Variants in GP2 observed in about 807,000 individuals in gnomAD.
GP2 encodes the protein pancreatic secretory granule membrane major glycoprotein GP2.
A neutral mutation model predicts 60.8 loss-of-function variants in GP2; 58 were observed. The ratio of observed to expected loss-of-function variants is 0.95; its 90% CI spans 0.77 to 1.19. The LOEUF is 1.19. GP2 is among the 50% of genes most tolerant of loss of function. GP2 has a pLI of 0.00. For missense variants in GP2, 647 were observed against 667.4 expected, an observed-to-expected ratio of 0.97 and a Z score of 0.34; for synonymous variants, 280 against 253.4, an observed-to-expected ratio of 1.10 and a Z score of -1.00.
In GP2 at chr16:20,319,855, A is replaced by G. The variant is rs1015995770; in HGVS notation, c.859-87T>C. 7.1e-6 allele frequency: 8 copies of G among 1,122,540 alleles called. No homozygotes were observed. The East Asian group carries it at 9.4e-5, about 13-fold the overall frequency. The allele number at this position is 1,122,540 out of a possible 1,614,324, so 69.5% of individuals were successfully genotyped here. On this transcript the variant is annotated intron_variant, in intron 5 of 10. Transcript: ENST00000302555. Reference sequence around the variant, plus strand: ...AATCCAGATCTGATTTCCAGAGTCAATTTGCTTAACCATGCAGCCACCCTA... The same window carrying G: ...AATCCAGATCTGATTTCCAGAGTCAGTTTGCTTAACCATGCAGCCACCCTA...
At chr16:20,327,287 T>G (rs1964561140) in intron 1 of GP2, 180 bp downstream of exon 1, 1 of 357,204 alleles carries the variant, frequency 2.8e-6, no homozygotes, top group Admixed American at 3.8e-5. Flanking sequence ...GCATCGCAGA[T>G]GACTGGAAGC....
At chr16:20,318,525 C>T (rs910272831) in intron 6 of GP2, 95 bp from the exon 7 acceptor site, 12 of 1,112,610 alleles carry the variant, frequency 1.1e-5, no homozygotes, top group Admixed American at 1.0e-4. Context: ...CAAGGACACA[C>T]ATCTTGGATC....
In GP2 at chr16:20,316,050, T is replaced by C; in HGVS notation, c.1417-10A>G. ...GACTTCTTGAGCAAGACTGTAGGGATGATGAACTTTTATTATATCAAAATT... is the reference window on the plus strand; with the variant it reads ...GACTTCTTGAGCAAGACTGTAGGGACGATGAACTTTTATTATATCAAAATT... On this transcript the variant is annotated splice_polypyrimidine_tract_variant and intron_variant, in intron 8 of 10. Transcript: ENST00000302555. 6.4e-7 allele frequency: 1 copy of C among 1,573,302 alleles called. No individual in the cohort carries two copies. Among genetic ancestry groups the C allele is most frequent in the Non-Finnish European group, 8.8e-7 (1 of 1,142,812 alleles).
intron 8 of GP2, among the ~76,000 whole-genome samples, chr16:20,316,301 C>T (rs908048792): frequency 1.3e-5 from 2 of 152,198 alleles, no homozygotes; most frequent in Non-Finnish European, 2.9e-5. Flanking sequence ...TCTACAATAA[C>T]TAAATAATAC....
Position 20,317,387 on chromosome 16 carries a change from A to G in GP2, c.1254-12T>C, listed in dbSNP as rs752635146. On this transcript the variant is annotated splice_polypyrimidine_tract_variant and intron_variant, in intron 7 of 10. Coordinates refer to ENST00000302555, the MANE Select transcript of GP2 (RefSeq NM_001502.4). ...GTTGATTTGAGCAGCTGGGAGGGTGACAGGGGCAAAGGTGTAACTTCTAAA... is the reference window on the plus strand; with the variant it reads ...GTTGATTTGAGCAGCTGGGAGGGTGGCAGGGGCAAAGGTGTAACTTCTAAA... 2.5e-6 allele frequency: 4 copies of G among 1,610,568 alleles called. No individual in the cohort carries two copies. The highest frequency in any genetic ancestry group is 3.4e-6 in the Non-Finnish European group (4 of 1,177,200).
Position 20,314,641 on chromosome 16 carries a change from T to A in GP2, c.1546+16A>T. ...AGTTGGGAAAGCTGTGGGAAAGGCA[T>A]GAGAAAATGATGTACCTGCAGTGCT... On this transcript the variant is annotated intron_variant, in intron 10 of 10. Coordinates refer to ENST00000302555, the MANE Select transcript of GP2 (RefSeq NM_001502.4). 1 of 1,547,332 alleles carries A rather than the reference T, an allele frequency of 6.5e-7. No individual in the cohort carries two copies. Among genetic ancestry groups the A allele is most frequent in the Non-Finnish European group, 8.9e-7 (1 of 1,119,028 alleles).
In GP2 at chr16:20,319,601, G is replaced by A; in HGVS notation, c.1007+19C>T. The A allele has an allele frequency of 6.3e-7, 1 of 1,595,672 alleles. No homozygotes were observed. The stretch of plus-strand genomic sequence containing the variant: ...TATTGCCAGGGTTATGGGTCAAAGG[G>A]CAAGGGTCAATGCCATACCTTACAA... On this transcript the variant is annotated intron_variant, in intron 6 of 10. Coordinates refer to ENST00000302555, the MANE Select transcript of GP2 (RefSeq NM_001502.4).
At chr16:20,316,242 G>A (rs1180990784) in intron 8 of GP2, among the ~76,000 whole-genome samples, 5 of 152,140 alleles carry the variant, frequency 3.3e-5, no homozygotes, top group Non-Finnish European at 2.9e-5. Flanking sequence ...ATCTCATCAA[G>A]TAGAGACTTT....
At chr16:20,322,166 C>T (rs1173077416) in intron 4 of GP2, among the ~76,000 whole-genome samples, 1 of 152,222 alleles carries the variant, frequency 6.6e-6, no homozygotes, top group African/African-American at 2.4e-5. Flanking sequence ...AACACTCTCT[C>T]TTCCATAGGG....
At position 20,314,245 on chromosome 16, in the gene GP2, T is replaced by TAA. The variant is rs199505876; in HGVS notation, c.1546+410_1546+411dup. Among the ~76,000 whole-genome samples the TAA allele has an allele frequency of 4.8e-3, 625 of 129,752 alleles. 5 individuals are homozygous for TAA. The highest frequency in any genetic ancestry group is 0.016 in the African/African-American group (580 of 35,300). 85.1% of individuals were successfully genotyped at this position (129,752 alleles called of 152,430 possible). A position where few individuals can be genotyped will look rare whatever the true frequency, so the allele number is the denominator to read the frequency against. ...TCCCAGAACTTAAAGTAAAATGAAT[T>TAA]AAAAAAAAAAAAAAGTTCTTGAGTT... On this transcript the variant is annotated intron_variant, in intron 10 of 10. Coordinates refer to ENST00000302555, the MANE Select transcript of GP2 (RefSeq NM_001502.4).
At chr16:20,314,606 G>A (rs1964099517) in intron 10 of GP2, 51 bp downstream of exon 10, 1 of 1,263,870 alleles carries the variant, frequency 7.9e-7, no homozygotes, top group South Asian at 1.2e-5. Context: ...GAATTGAAAA[G>A]AGAAAGGAGA....
intron 3 of GP2, chr16:20,323,247 G>A (rs1401250452): frequency 1.5e-6 from 1 of 660,884 alleles, no homozygotes; most frequent in Non-Finnish European, 2.8e-6. Context: ...GGACAGCATG[G>A]TGGTTAAGGC....
At chr16:20,312,578 C>G (rs569128200) in intron 10 of GP2, among the ~76,000 whole-genome samples, 1 of 152,196 alleles carries the variant, frequency 6.6e-6, no homozygotes, top group African/African-American at 2.4e-5. Flanking sequence ...TACTGGGAAA[C>G]CACACTGTTC....
intron 7 of GP2, 93 bp downstream of exon 7, chr16:20,318,092 G>A (rs1211723422): frequency 3.9e-6 from 4 of 1,033,352 alleles, no homozygotes; most frequent in East Asian, 4.8e-5. Flanking sequence ...ATGATATGTA[G>A]TACAACTTAC....
chr16:20,320,164 G>C, intron 5 of GP2, 98 bp downstream of exon 5: 1 of 871,028 alleles, frequency 1.1e-6, no homozygotes, highest in Non-Finnish European at 1.9e-6. Flanking sequence ...GGGGGCTCAG[G>C]GAAGCTAAGT....
intron 3 of GP2, chr16:20,323,449 T>C (rs1183518104): frequency 7.0e-6 from 5 of 716,304 alleles, no homozygotes; most frequent in East Asian, 2.7e-5. Context: ...AACAAGGACA[T>C]TGTGAGCATT....
chr16:20,317,378 G>A lies in GP2; in HGVS notation c.1254-3C>T, dbSNP rs1964214590. 3 of 1,612,480 alleles carry A rather than the reference G, an allele frequency of 1.9e-6. No homozygotes were observed. The highest frequency in any genetic ancestry group is 2.7e-5 in the African/African-American group (2 of 75,012). On this transcript the variant is annotated splice_polypyrimidine_tract_variant and splice_region_variant and intron_variant, in intron 7 of 10. Transcript: ENST00000302555. ...TGGAATCACGTTGATTTGAGCAGCT[G>A]GGAGGGTGACAGGGGCAAAGGTGTA... is the stretch of plus-strand genomic sequence containing the variant.
At chr16:20,323,689 C>T (rs1567292043) in intron 3 of GP2, 127 bp downstream of exon 3, 1 of 648,508 alleles carries the variant, frequency 1.5e-6, no homozygotes, top group Admixed American at 2.9e-5. Flanking sequence ...TCTCACTGGG[C>T]AGGAGCTGAG....
In GP2 at chr16:20,323,936, C is replaced by T. The variant is rs759600381; in HGVS notation, c.415G>A (p.Ala139Thr). 6.2e-7 allele frequency: 1 copy of T among 1,614,016 alleles called. No individual in the cohort carries two copies. The highest frequency in any genetic ancestry group is 1.3e-5 in the African/African-American group (1 of 75,052). ...GDGITNHTACAHWSGNCCFWK... is the reference protein window; with the variant it reads ...GDGITNHTACTHWSGNCCFWK... ...AAACAGCAGTTGCCACTCCAATGGGCACAGGCAGTGTGGTTGGTGATGCCA... is the reference window on the plus strand; with the variant it reads ...AAACAGCAGTTGCCACTCCAATGGGTACAGGCAGTGTGGTTGGTGATGCCA... The change falls in exon 3 of 11, where the codon GCC (alanine) becomes ACC (threonine). Residue 139 changes from alanine (A) to threonine (T), a missense_variant. By Grantham distance (58) the Ala-to-Thr change is moderately conservative. Transcript: ENST00000302555.
Sources: allele counts gnomAD v4.1 joint callset (sites outside exome capture counted in the v4.1 genomes callset), GRCh38; gene constraint gnomAD v4.1.1; transcripts MANE v1.5; gene names NCBI Gene and HGNC (gene_info 2026-07-23, HGNC 2026-07-21).